RUNX1T1: variants seen among roughly 807,000 people sequenced by gnomAD.
RUNX1T1 encodes RUNX1 partner transcriptional co-repressor 1, also known as protein CBFA2T1.
RUNX1T1 carries 4 observed loss-of-function variants against 62.8 expected under a neutral mutation model. The observed-to-expected ratio is 0.06, with a 90% CI of 0.03 to 0.15. The LOEUF (loss-of-function observed/expected upper bound fraction) is 0.15. Among genes scored for constraint, RUNX1T1 ranks in the 10% least tolerant of loss-of-function variants. The pLI is 1.00. For missense variants in RUNX1T1, 508 were observed against 754.3 expected (o/e 0.67, Z 3.82); for synonymous variants, 291 against 286.0 (o/e 1.02, Z -0.18).
intron 1 of RUNX1T1, among the ~76,000 whole-genome samples, chr8:92,059,169 T>C (rs911530667): frequency 4.6e-5 from 7 of 152,222 alleles, no homozygotes; most frequent in East Asian, 1.9e-4. Context: ...ACAACTTACA[T>C]AGTTTTCTTC....
chr8:92,016,107 T>C (rs1426953584), intron 2 of RUNX1T1, among the ~76,000 whole-genome samples: 1 of 152,258 alleles, frequency 6.6e-6, no homozygotes, highest in East Asian at 1.9e-4. Context: ...ATGGATTTCA[T>C]GGCACATGGT....
At chr8:92,024,247 G>A (rs1429649796) in intron 1 of RUNX1T1, among the ~76,000 whole-genome samples, 2 of 151,218 alleles carry the variant, frequency 1.3e-5, no homozygotes, top group East Asian at 2.0e-4. Flanking sequence ...GGTAGCTCAC[G>A]CCTGTAATTC....
In RUNX1T1 at chr8:92,077,790, T is replaced by A. The variant is rs145175632; in HGVS notation, c.-85-1653A>T. 2.1e-3 allele frequency among the ~76,000 whole-genome samples: 315 copies of A among 152,204 alleles called. 2 individuals carry two copies. Among genetic ancestry groups the A allele is most frequent in the African/African-American group, 7.2e-3 (299 of 41,546 alleles). The stretch of plus-strand genomic sequence containing the variant: ...AAGCATATACAAATCCTCTAGAGTC[T>A]AAGTCTATATCTTCCTTCTCATGAC... On this transcript the variant is annotated intron_variant, in intron 1 of 11. Transcript: ENST00000265814.
chr8:92,042,216 G>A (rs751689166), intron 1 of RUNX1T1, among the ~76,000 whole-genome samples: 4 of 152,160 alleles, frequency 2.6e-5, no homozygotes, highest in Non-Finnish European at 5.9e-5. Context: ...ATGATGATAC[G>A]CAGAAACAGT....
intron 1 of RUNX1T1, among the ~76,000 whole-genome samples, chr8:92,054,615 C>T (rs1467539993): frequency 1.3e-5 from 2 of 152,270 alleles, no homozygotes; most frequent in East Asian, 1.9e-4. Flanking sequence ...TTGACATTCT[C>T]GATGCTCTGT....
chr8:91,964,990 A>G (rs1316833135), intron 10 of RUNX1T1, among the ~76,000 whole-genome samples: 1 of 152,224 alleles, frequency 6.6e-6, no homozygotes, highest in Non-Finnish European at 1.5e-5. Context: ...ATTCAGGGTT[A>G]TGTCAGTGCT....
intron 10 of RUNX1T1, among the ~76,000 whole-genome samples, chr8:91,970,132 T>C (rs146974524): frequency 4.0e-5 from 6 of 151,892 alleles, no homozygotes; most frequent in African/African-American, 1.4e-4. Context: ...GAAATGACCA[T>C]CATATGGGTT....
chr8:91,982,911 G>C (rs981715227), intron 8 of RUNX1T1, among the ~76,000 whole-genome samples: 2 of 145,674 alleles, frequency 1.4e-5, no homozygotes, highest in East Asian at 4.0e-4. Context: ...AATATCTTAG[G>C]AAAATACTTT....
intron 1 of RUNX1T1, among the ~76,000 whole-genome samples, chr8:92,090,745 C>T (rs757218250): frequency 1.3e-5 from 2 of 152,084 alleles, no homozygotes; most frequent in Non-Finnish European, 2.9e-5. Context: ...AGCTCAGGCA[C>T]AAAGTAAGTC....
rs560612703 is a variant in RUNX1T1 at position 92,038,168 on chromosome 8, G to A, written c.8-20805C>T. Among the ~76,000 whole-genome samples, 25 of 152,094 alleles carry A rather than the reference G, an allele frequency of 1.6e-4. No individual in the cohort carries two copies. In the South Asian group the frequency reaches 5.2e-3, roughly 32 times the overall value. ...CCCTCAACCTCAACCTCCCACCTCA[G>A]CCTCCCGGGTAGATGGGACTATAGG... On this transcript the variant is annotated intron_variant, in intron 1 of 10. Coordinates refer to ENST00000396218, the Ensembl canonical transcript of RUNX1T1.
intron 1 of RUNX1T1, among the ~76,000 whole-genome samples, chr8:92,028,522 A>G (rs1724937730): frequency 6.6e-6 from 1 of 152,160 alleles, no homozygotes; most frequent in Non-Finnish European, 1.5e-5. Flanking sequence ...GGATCTAACG[A>G]CTTCACTTCA....
Position 92,005,098 on chromosome 8 carries a change from G to A in RUNX1T1, c.659+18C>T, listed in dbSNP as rs572646644. 45 of 1,581,912 alleles carry A rather than the reference G, an allele frequency of 2.8e-5. No homozygotes were observed. The Middle Eastern group carries it at 5.1e-4, about 18-fold the overall frequency. On this transcript the variant is annotated intron_variant, in intron 5 of 10. Transcript: ENST00000396218. ...GGGAAAAAGGTCATGGTTCATCCAG[G>A]CTCCTCCTCCCTCTCACCTGTCTGG... is the stretch of plus-strand genomic sequence containing the variant.
At chr8:92,010,737 A>G (rs893701614) in intron 4 of RUNX1T1, 1 of 319,356 alleles carries the variant, frequency 3.1e-6, no homozygotes, top group South Asian at 8.2e-5. Flanking sequence ...AACATATCTC[A>G]TATGACCAAA....
chr8:92,073,440 G>C (rs1263019706), intron 2 of RUNX1T1, among the ~76,000 whole-genome samples: 1 of 152,028 alleles, frequency 6.6e-6, no homozygotes, highest in Non-Finnish European at 1.5e-5. Context: ...AACTTGCTAC[G>C]CAGACCAGAC....
exon 6 of RUNX1T1, chr8:91,991,698 T>C: frequency 2.5e-6 from 4 of 1,614,064 alleles, no homozygotes; most frequent in Non-Finnish European, 3.4e-6. Flanking sequence ...GGAGTCCCTG[T>C]AGTGGTGGGC....
intron 1 of RUNX1T1, among the ~76,000 whole-genome samples, chr8:92,052,418 A>C (rs1251670431): frequency 6.6e-6 from 1 of 152,214 alleles, no homozygotes; most frequent in East Asian, 1.9e-4. Context: ...GCATAATTAA[A>C]CAAATACATA....
intron 3 of RUNX1T1, among the ~76,000 whole-genome samples, chr8:92,013,694 T>G (rs188396927): frequency 6.6e-6 from 1 of 152,274 alleles, no homozygotes; most frequent in African/African-American, 2.4e-5. Context: ...GAAAAGTGAC[T>G]TAGAACGCAA....
chr8:92,019,536 A>G (rs143052684), intron 1 of RUNX1T1, among the ~76,000 whole-genome samples: 1 of 152,292 alleles, frequency 6.6e-6, no homozygotes, highest in African/African-American at 2.4e-5. Context: ...AGTTACCCTC[A>G]ACAGCTTCCT....
intron 1 of RUNX1T1, among the ~76,000 whole-genome samples, chr8:92,096,669 A>G (rs1354516386): frequency 6.6e-6 from 1 of 152,218 alleles, no homozygotes; most frequent in Non-Finnish European, 1.5e-5. Flanking sequence ...GTTCAGAATG[A>G]AGGAGCCAAT....
Sources: gnomAD v4.1 joint callset for allele counts (sites outside exome capture counted in the v4.1 genomes callset) on GRCh38, gnomAD v4.1.1 for gene constraint, MANE v1.5 for transcripts, NCBI Gene and HGNC (gene_info 2026-07-23, HGNC 2026-07-21) for gene names.